Variants in DIS3L2 observed in about 807,000 individuals in gnomAD.
DIS3L2 encodes the protein DIS3-like exonuclease 2.
Under a neutral mutation model 97.5 loss-of-function variants are expected in DIS3L2, and 34 were observed. The ratio of observed to expected loss-of-function variants is 0.35; its 90% CI spans 0.27 to 0.46. The LOEUF (loss-of-function observed/expected upper bound fraction) is 0.46. Ranked by LOEUF, DIS3L2 falls within the 20% of genes least tolerant of loss-of-function variation. The pLI is 1.00. For missense variants in DIS3L2, 1,038 were observed against 1,146.0 expected (o/e 0.91, Z 1.36); for synonymous variants, 435 against 445.2 (o/e 0.98, Z 0.29).
chr2:232,008,096 T>G (rs1045347880), intron 1 of DIS3L2, among the ~76,000 whole-genome samples: 2 of 152,156 alleles, frequency 1.3e-5, no homozygotes, highest in African/African-American at 2.4e-5. Context: ...CACTACAGCT[T>G]TGATCTCCCA....
At chr2:232,320,848 C>G (rs1695411812) in intron 14 of DIS3L2, among the ~76,000 whole-genome samples, 1 of 152,212 alleles carries the variant, frequency 6.6e-6, no homozygotes, top group African/African-American at 2.4e-5. Context: ...CCTCCCTTCC[C>G]CACCCAACAG....
chr2:232,259,498 A>C (rs886936702), intron 12 of DIS3L2, among the ~76,000 whole-genome samples: 4 of 152,102 alleles, frequency 2.6e-5, no homozygotes, highest in African/African-American at 9.7e-5. Context: ...ATGTGCTTAG[A>C]GCCAGGAGAC....
intron 8 of DIS3L2, among the ~76,000 whole-genome samples, chr2:232,141,384 G>A (rs1027893069): frequency 1.3e-5 from 2 of 152,146 alleles, no homozygotes; most frequent in South Asian, 2.1e-4. Flanking sequence ...AACACTGAAG[G>A]CTAGCTGAAG....
intron 9 of DIS3L2, among the ~76,000 whole-genome samples, chr2:232,203,249 C>G (rs1323235265): frequency 6.6e-6 from 1 of 152,102 alleles, no homozygotes; most frequent in Non-Finnish European, 1.5e-5. Flanking sequence ...TGACCCAGAT[C>G]CTCCTCCCCA....
chr2:232,008,115 T>C (rs1266962336), intron 1 of DIS3L2, among the ~76,000 whole-genome samples: 1 of 151,962 alleles, frequency 6.6e-6, no homozygotes, highest in Non-Finnish European at 1.5e-5. Flanking sequence ...CAGGCTTAGG[T>C]GATCTTCCCA....
intron 12 of DIS3L2, among the ~76,000 whole-genome samples, chr2:232,254,386 A>G (rs1425082619): frequency 6.6e-6 from 1 of 152,178 alleles, no homozygotes; most frequent in Non-Finnish European, 1.5e-5. Flanking sequence ...AGGGGAAAAA[A>G]TGAATGGAAA....
chr2:232,048,636 A>G (rs1015611508), intron 5 of DIS3L2, among the ~76,000 whole-genome samples: 8 of 151,824 alleles, frequency 5.3e-5, no homozygotes, highest in Admixed American at 1.3e-4. Context: ...GGAGGCTGAG[A>G]CAGAAGAATG....
rs191504881 is a variant in DIS3L2 at position 231,971,808 on chromosome 2, C to G, written c.-94+10043C>G. On this transcript the variant is annotated intron_variant, in intron 1 of 20. Coordinates refer to ENST00000325385, the MANE Select transcript of DIS3L2 (RefSeq NM_152383.5). ...TGTTGGCCCAGGATGGTCTCAAACT[C>G]CAGACCTCGTGATCTGCCTGCCTCC... 4.0e-3 allele frequency among the ~76,000 whole-genome samples: 602 copies of G among 150,610 alleles called. 3 individuals carry two copies. Among genetic ancestry groups the G allele is most frequent in the African/African-American group, 0.013 (552 of 41,212 alleles).
At chr2:231,991,909 T>C (rs1218286212) in intron 1 of DIS3L2, among the ~76,000 whole-genome samples, 1 of 151,728 alleles carries the variant, frequency 6.6e-6, no homozygotes, top group African/African-American at 2.4e-5. Flanking sequence ...GGGGATACAG[T>C]GATGAACGGG....
chr2:232,130,717 A>G lies in DIS3L2; in HGVS notation c.700A>G (p.Lys234Glu), dbSNP rs1574898215. The G allele has an allele frequency of 6.2e-7, 1 of 1,613,874 alleles. No homozygotes were observed. The highest frequency in any genetic ancestry group is 8.5e-7 in the Non-Finnish European group (1 of 1,179,896). Residue 234 changes from lysine to glutamate, a missense_variant and splice_region_variant, in exon 7 of 21, where the codon AAG becomes GAG. Around this residue, in one of 3 missense-constraint regions of DIS3L2, gnomAD observed 813 missense variants for 880.1 expected, o/e 0.92. Transcript: ENST00000325385. Reference protein sequence around the residue: ...LSEKSLQRSAKVVYILEKKHS... With the variant: ...LSEKSLQRSAEVVYILEKKHS... ...GGAGAAATCCCTGCAAAGATCAGCA[A>G]AGGTCATTGCCTACAGATTTTCTCC... is the stretch of plus-strand genomic sequence containing the variant.
At chr2:232,077,284 G>A (rs1696222321) in intron 5 of DIS3L2, among the ~76,000 whole-genome samples, 1 of 118,792 alleles carries the variant, frequency 8.4e-6, no homozygotes, top group East Asian at 2.3e-4. Flanking sequence ...ACCACTCTTA[G>A]TGCCCAATTT....
At chr2:232,092,266 T>A (rs1696866239) in intron 6 of DIS3L2, among the ~76,000 whole-genome samples, 1 of 152,196 alleles carries the variant, frequency 6.6e-6, no homozygotes, top group South Asian at 2.1e-4. Flanking sequence ...TCCACTGGTC[T>A]GTGTATCTGT....
At chr2:232,221,182 A>G (rs2106232433) in intron 10 of DIS3L2, among the ~76,000 whole-genome samples, 1 of 151,976 alleles carries the variant, frequency 6.6e-6, no homozygotes, top group African/African-American at 2.4e-5. Flanking sequence ...GTATATGGAG[A>G]TAATGCCAAG....
At chr2:231,978,351 A>T (rs1041933926) in intron 1 of DIS3L2, 1 of 152,274 alleles carries the variant, frequency 6.6e-6, no homozygotes, top group African/African-American at 2.4e-5. Flanking sequence ...TGTATCCCTA[A>T]ACTGTGGTTT....
At chr2:232,112,489 C>T (rs1270556390) in intron 6 of DIS3L2, among the ~76,000 whole-genome samples, 1 of 152,132 alleles carries the variant, frequency 6.6e-6, no homozygotes, top group Non-Finnish European at 1.5e-5. Flanking sequence ...CTGGATCTTG[C>T]CTGCTGTAGC....
intron 5 of DIS3L2, among the ~76,000 whole-genome samples, chr2:232,041,382 C>T (rs1432605299): frequency 1.3e-5 from 2 of 152,148 alleles, no homozygotes; most frequent in Non-Finnish European, 2.9e-5. Context: ...GGGGGTCCTA[C>T]TGGGGCTTTG....
intron 1 of DIS3L2, among the ~76,000 whole-genome samples, chr2:231,998,282 A>C (rs1192433257): frequency 6.6e-6 from 1 of 152,220 alleles, no homozygotes; most frequent in Non-Finnish European, 1.5e-5. Flanking sequence ...TAAGGGCAAG[A>C]GAGCAAGAGC....
At chr2:232,321,102 A>T (rs1250377348) in intron 14 of DIS3L2, among the ~76,000 whole-genome samples, 1 of 152,160 alleles carries the variant, frequency 6.6e-6, no homozygotes, top group African/African-American at 2.4e-5. Context: ...AGGAGGCCCC[A>T]AAGAGTCCCT....
Position 232,333,903 on chromosome 2 carries a change from A to T in DIS3L2, c.2074A>T (p.Asn692Tyr). ...AGCGCAGTTCCGGCACTACGCGCTC[A>T]ATGTGCCCCTGTACACACACTTCAC... ...DPAQFRHYAL[N>Y]VPLYTHFTSP... is the part of the protein sequence containing the mutation. The change falls in exon 17 of 21, where the codon AAT becomes TAT. Residue 692 changes from asparagine to tyrosine, a missense_variant. Around this residue, in one of 3 missense-constraint regions of DIS3L2, gnomAD observed 813 missense variants for 880.1 expected, o/e 0.92. Coordinates refer to ENST00000325385, the MANE Select transcript of DIS3L2 (RefSeq NM_152383.5). The T allele has an allele frequency of 1.2e-6, 2 of 1,612,868 alleles. No homozygotes were observed. Among genetic ancestry groups the T allele is most frequent in the East Asian group, 2.2e-5 (1 of 44,860 alleles).
Sources: allele counts gnomAD v4.1 joint callset (sites outside exome capture counted in the v4.1 genomes callset), GRCh38; gene constraint gnomAD v4.1.1; regional missense constraint gnomAD v4.1.1; transcripts MANE v1.5; gene names NCBI Gene and HGNC (gene_info 2026-07-23, HGNC 2026-07-21).